The following PIP5K1C variants were observed in gnomAD, a reference collection of about 807,000 sequenced individuals.
PIP5K1C encodes the protein phosphatidylinositol-4-phosphate 5-kinase type 1 gamma, also known as phosphatidylinositol 4-phosphate 5-kinase type-1 gamma.
In PIP5K1C, 45 loss-of-function variants were observed where a neutral mutation model predicts 80.1. The ratio of observed to expected loss-of-function variants is 0.56; its 90% confidence interval spans 0.44 to 0.72. The LOEUF is 0.72. Ranked by LOEUF, PIP5K1C falls within the 30% of genes least tolerant of loss-of-function variation. The probability of loss-of-function intolerance (pLI) is 0.00; values close to 1 mark genes in which losing one functional copy is unlikely to be tolerated. For missense variants in PIP5K1C, 753 were observed against 954.6 expected, an observed-to-expected ratio of 0.79 and a Z score of 2.78; for synonymous variants, 498 against 420.1, an observed-to-expected ratio of 1.19 and a Z score of -2.27.
intron 8 of PIP5K1C, among the ~76,000 whole-genome samples, chr19:3,651,440 C>T (rs977185985): frequency 5.3e-5 from 8 of 152,238 alleles, no homozygotes; most frequent in African/African-American, 1.7e-4. Flanking sequence ...CTGCCTCGCC[C>T]GATCCCTCTG....
chr19:3,652,157 A>G lies in PIP5K1C; in HGVS notation c.922-126T>C. 5.1e-6 allele frequency: 4 copies of G among 777,910 alleles called. No individual in the cohort carries two copies. The South Asian group carries it at 6.5e-5, about 13-fold the overall frequency. 48.2% of individuals were successfully genotyped at this position (777,910 alleles called of 1,614,324 possible). ...GCTCGGGTGTGAGAGATGGAGTCCCACGGCCAGGCAGGAGTGGGGGTTCTA... is the reference window on the plus strand; with the variant it reads ...GCTCGGGTGTGAGAGATGGAGTCCCGCGGCCAGGCAGGAGTGGGGGTTCTA... On this transcript the variant is annotated intron_variant, in intron 7 of 17. Coordinates refer to ENST00000335312, the MANE Select transcript of PIP5K1C (RefSeq NM_012398.3).
At chr19:3,642,771 C>A in intron 14 of PIP5K1C, 136 bp downstream of exon 14, 1 of 766,966 alleles carries the variant, frequency 1.3e-6, no homozygotes, top group South Asian at 1.5e-5. Flanking sequence ...GGTGCTAGGG[C>A]CGAGTGCTAC....
At chr19:3,679,655 AG>A (rs2035525816) in intron 1 of PIP5K1C, among the ~76,000 whole-genome samples, 1 of 152,138 alleles carries the variant, frequency 6.6e-6, no homozygotes, top group African/African-American at 2.4e-5. Context: ...TCAGCTGTGG[AG>A]GGGGAGCACT....
chr19:3,693,557 C>G, intron 1 of PIP5K1C, among the ~76,000 whole-genome samples: 1 of 152,228 alleles, frequency 6.6e-6, no homozygotes, highest in East Asian at 1.9e-4. Context: ...AAGGGACATG[C>G]TGCCGGGGCC....
In PIP5K1C at chr19:3,667,448, T is replaced by C. The variant is rs3826943; in HGVS notation, c.95-95A>G. 129 of 1,405,786 alleles carry C rather than the reference T, an allele frequency of 9.2e-5. 3 individuals are homozygous for C. The East Asian group carries it at 2.9e-3, about 32-fold the overall frequency. 87.1% of individuals were successfully genotyped at this position (1,405,786 alleles called of 1,614,324 possible). A position where few individuals can be genotyped will look rare whatever the true frequency, so the allele number is the denominator to read the frequency against. On this transcript the variant is annotated intron_variant, in intron 1 of 17. Coordinates refer to ENST00000335312, the MANE Select transcript of PIP5K1C (RefSeq NM_012398.3). The stretch of plus-strand genomic sequence containing the variant: ...GGCCCACCTTCTGGCGCCCCAGGCC[T>C]GGCGTGTGTAACTCCGCGTGGGGCT...
chr19:3,639,387 G>T (rs1160502462), intron 15 of PIP5K1C, among the ~76,000 whole-genome samples: 2 of 152,172 alleles, frequency 1.3e-5, no homozygotes, highest in Non-Finnish European at 2.9e-5. Context: ...CTGTCAAGTG[G>T]GGAGAGATGG....
At chr19:3,656,332 G>A (rs2034631591) in intron 6 of PIP5K1C, 73 bp downstream of exon 6, 9 of 1,563,232 alleles carry the variant, frequency 5.8e-6, no homozygotes, top group Non-Finnish European at 7.9e-6. Context: ...AAGCCTTGCA[G>A]ACATCTGCTC....
rs2033757790 is a variant in PIP5K1C at position 3,637,682 on chromosome 19, C to T, written c.1920+1202G>A. 6.6e-7 allele frequency: 1 copy of T among 1,507,840 alleles called. No homozygotes were observed. Among genetic ancestry groups the T allele is most frequent in the Admixed American group, 2.0e-5 (1 of 49,598 alleles). The allele number at this position is 1,507,840 out of a possible 1,614,324, so 93.4% of individuals were successfully genotyped here. Reference sequence around the variant, plus strand: ...GAGGACAGCGGATGAGGCGGCCACCCCCGTGGTCGGGTGGGAGAGGCGGAG... The same window carrying T: ...GAGGACAGCGGATGAGGCGGCCACCTCCGTGGTCGGGTGGGAGAGGCGGAG... On this transcript the variant is annotated intron_variant, in intron 16 of 17. Transcript: ENST00000335312. The surrounding 1 kb of genome is among the most constrained non-coding windows in gnomAD (Gnocchi z 7.0).
chr19:3,691,349 G>A (rs2035943777), intron 1 of PIP5K1C, among the ~76,000 whole-genome samples: 1 of 152,196 alleles, frequency 6.6e-6, no homozygotes, highest in African/African-American at 2.4e-5. Flanking sequence ...ATCTGGGGAT[G>A]ACGGCCCCTT....
intron 1 of PIP5K1C, among the ~76,000 whole-genome samples, chr19:3,694,695 A>G (rs368705124): frequency 6.6e-6 from 1 of 152,226 alleles, no homozygotes; most frequent in Non-Finnish European, 1.5e-5. Context: ...AAGTGGGTGC[A>G]GCAAGTTCCC....
chr19:3,654,544 G>A (rs73532086), intron 6 of PIP5K1C, among the ~76,000 whole-genome samples: 2,140 of 152,350 alleles, frequency 0.014, 55 homozygotes, highest in African/African-American at 0.049. Context: ...GGCCCAGTGC[G>A]ATGGCTCATG....
intron 16 of PIP5K1C, among the ~76,000 whole-genome samples, chr19:3,635,896 C>T (rs1258525487): frequency 6.6e-6 from 1 of 152,172 alleles, no homozygotes; most frequent in Non-Finnish European, 1.5e-5. Context: ...AGGAGAATGG[C>T]GTGAACCCGG....
At chr19:3,700,023 G>A (rs982477349) in intron 1 of PIP5K1C, among the ~76,000 whole-genome samples, 6 of 152,178 alleles carry the variant, frequency 3.9e-5, no homozygotes, top group Non-Finnish European at 7.4e-5. Context: ...CCCTGGGAGC[G>A]GGTCAGGCAG....
chr19:3,659,068 AG>A (rs983984844), intron 5 of PIP5K1C, among the ~76,000 whole-genome samples: 2 of 152,050 alleles, frequency 1.3e-5, no homozygotes, highest in African/African-American at 4.8e-5. Flanking sequence ...GCCTTCCTGG[AG>A]CTACCCCCCT....
In PIP5K1C at chr19:3,630,969, G is replaced by A. The variant is rs117279098; in HGVS notation, c.*2198C>T. The A allele has an allele frequency of 1.1e-3, 172 of 152,386 alleles. No individual in the cohort carries two copies. The highest frequency in any genetic ancestry group is 4.5e-3 in the South Asian group (22 of 4,836). The allele number at this position is 152,386 out of a possible 1,614,324, so 9.4% of individuals were successfully genotyped here. ...CCCCTCGGCACAGTCAGTGGAGCAC[G>A]TCAGCCTCGGTTTACAGTTCTCTGA... On this transcript the variant is annotated 3_prime_UTR_variant, in exon 18 of 18. Coordinates refer to ENST00000335312, the MANE Select transcript of PIP5K1C (RefSeq NM_012398.3).
chr19:3,643,348 G>A lies in PIP5K1C; in HGVS notation c.1544C>T (p.Ser515Phe). The A allele has an allele frequency of 6.2e-7, 1 of 1,613,880 alleles. No individual in the cohort carries two copies. Among genetic ancestry groups the A allele is most frequent in the Non-Finnish European group, 8.5e-7 (1 of 1,179,978 alleles). The change falls in exon 13 of 18, where the codon TCT becomes TTT. Residue 515 changes from serine to phenylalanine, a missense_variant. By Grantham distance (155) the Ser-to-Phe change is radical (BLOSUM62 -2). Around this residue, in one of 6 missense-constraint regions of PIP5K1C, gnomAD observed 315 missense variants for 294.5 expected, o/e 1.07. Coordinates refer to ENST00000335312, the MANE Select transcript of PIP5K1C (RefSeq NM_012398.3). ...GGAGGCTGTAGTGGCTTCTTCGAAAGAAGGTGGCGTGCAGGGCAGGAGGTC... is the reference window on the plus strand; with the variant it reads ...GGAGGCTGTAGTGGCTTCTTCGAAAAAAGGTGGCGTGCAGGGCAGGAGGTC... ...RPDLLPCTPP[S>F]FEEATTASIA...
intron 10 of PIP5K1C, among the ~76,000 whole-genome samples, chr19:3,646,322 G>T (rs1401534481): frequency 6.6e-6 from 1 of 152,156 alleles, no homozygotes; most frequent in Non-Finnish European, 1.5e-5. Flanking sequence ...TTTTAAACCA[G>T]CTGAATAAAG....
At chr19:3,681,084 C>T (rs550253090) in intron 1 of PIP5K1C, among the ~76,000 whole-genome samples, 12 of 152,040 alleles carry the variant, frequency 7.9e-5, no homozygotes, top group African/African-American at 2.9e-4. Flanking sequence ...GTTCGCCCCC[C>T]GCATCTGCAC....
Position 3,653,291 on chromosome 19 carries a change from AG to A in PIP5K1C, c.919del (p.Leu307TrpfsTer77). On this transcript the variant is annotated frameshift_variant and splice_region_variant, in exon 7 of 18. Coordinates refer to ENST00000335312, the MANE Select transcript of PIP5K1C (RefSeq NM_012398.3). LOFTEE classifies it high-confidence loss of function. ...ALVKTLQRDCLVLESFKIMDY... is the reference protein window; with the variant it reads ...ALVKTLQRDCXVLESFKIMDY... ...CCCCGGCCGGGGCCGAGCCCTCACC[AG>A]GCAGTCCCGCTGCAGCGTCTTGACC... The A allele has an allele frequency of 6.2e-7, 1 of 1,605,892 alleles. No homozygotes were observed. The highest frequency in any genetic ancestry group is 8.5e-7 in the Non-Finnish European group (1 of 1,179,740).
Sources: allele counts gnomAD v4.1 joint callset (sites outside exome capture counted in the v4.1 genomes callset), GRCh38; gene constraint gnomAD v4.1.1; regional missense constraint gnomAD v4.1.1; non-coding constraint Gnocchi (gnomAD v3.1); transcripts MANE v1.5; gene names NCBI Gene and HGNC (gene_info 2026-07-23, HGNC 2026-07-21).